TFAP2D: variants seen among roughly 807,000 people sequenced by gnomAD.
TFAP2D encodes the protein transcription factor AP-2-delta.
A neutral mutation model predicts 43.6 loss-of-function variants in TFAP2D; 9 were observed. The ratio of observed to expected loss-of-function variants is 0.21; its 90% CI spans 0.12 to 0.36. The LOEUF is 0.36. Ranked by LOEUF, TFAP2D falls within the 10% of genes least tolerant of loss-of-function variation. TFAP2D has a pLI of 1.00. For missense variants in TFAP2D, 513 were observed against 561.4 expected (o/e 0.91, Z 0.87); for synonymous variants, 256 against 224.9 (o/e 1.14, Z -1.24).
chr6:50,742,216 G>A (rs573580472), intron 5 of TFAP2D, among the ~76,000 whole-genome samples: 1 of 151,920 alleles, frequency 6.6e-6, no homozygotes, highest in Non-Finnish European at 1.5e-5. Context: ...CTACATATCA[G>A]AGTGTCTTCA....
chr6:50,727,840 C>G (rs1034930490), intron 3 of TFAP2D, among the ~76,000 whole-genome samples: 1 of 152,166 alleles, frequency 6.6e-6, no homozygotes, highest in Non-Finnish European at 1.5e-5. Flanking sequence ...GTATAGTCAC[C>G]ATGCTAGCAG....
chr6:50,760,801 C>T (rs962109619), intron 7 of TFAP2D, among the ~76,000 whole-genome samples: 1 of 151,836 alleles, frequency 6.6e-6, no homozygotes, highest in Admixed American at 6.6e-5. Context: ...AGAAGTTGTG[C>T]TGCTTTAGAG....
intron 7 of TFAP2D, among the ~76,000 whole-genome samples, chr6:50,768,491 A>G (rs1398898123): frequency 6.6e-6 from 1 of 151,702 alleles, no homozygotes; most frequent in Non-Finnish European, 1.5e-5. Context: ...GAGCCACTGA[A>G]CCCAGCCCCC....
At chr6:50,757,749 ATT>A (rs1214127833) in intron 7 of TFAP2D, among the ~76,000 whole-genome samples, 6 of 69,992 alleles carry the variant, frequency 8.6e-5, no homozygotes, top group East Asian at 4.7e-4. Context: ...AATATATATA[ATT>A]ATTCTATATA....
intron 5 of TFAP2D, among the ~76,000 whole-genome samples, chr6:50,743,301 T>C (rs1769079315): frequency 6.6e-6 from 1 of 152,206 alleles, no homozygotes; most frequent in Admixed American, 6.6e-5. Flanking sequence ...CTAGACTTTT[T>C]TGCTAAGGCC....
rs774449789 is a variant in TFAP2D, at chr6:50,715,439, GCTC to G, written c.364_366del (p.Leu122del). On this transcript the variant is annotated inframe_deletion, in exon 2 of 8. Coordinates refer to ENST00000008391, the MANE Select transcript of TFAP2D (RefSeq NM_172238.4). ...TTATTAACCTGCACAATGCGCGGGCGCTCAAGTCGTCCTGCCTGGACGAGCAGA... is the reference window on the plus strand; with the variant it reads ...TTATTAACCTGCACAATGCGCGGGCGAAGTCGTCCTGCCTGGACGAGCAGA... 6.2e-7 allele frequency: 1 copy of G among 1,614,142 alleles called. No individual in the cohort carries two copies.
At chr6:50,733,787 C>T (rs529186791) in intron 5 of TFAP2D, among the ~76,000 whole-genome samples, 1 of 152,010 alleles carries the variant, frequency 6.6e-6, no homozygotes, top group Non-Finnish European at 1.5e-5. Flanking sequence ...AGAGTATTAC[C>T]AGAAGGGAAT....
intron 5 of TFAP2D, among the ~76,000 whole-genome samples, chr6:50,741,104 A>C (rs925685513): frequency 1.3e-5 from 2 of 151,484 alleles, no homozygotes; most frequent in Non-Finnish European, 2.9e-5. Context: ...TATTTAATAT[A>C]AGTATTTAAT....
chr6:50,734,436 A>G (rs1043489038), intron 5 of TFAP2D, among the ~76,000 whole-genome samples: 1 of 152,092 alleles, frequency 6.6e-6, no homozygotes, highest in African/African-American at 2.4e-5. Flanking sequence ...GGCTTAACAT[A>G]ATAGAAGCTA....
chr6:50,746,493 C>T (rs945923809), intron 6 of TFAP2D, among the ~76,000 whole-genome samples: 5 of 152,146 alleles, frequency 3.3e-5, no homozygotes, highest in Admixed American at 6.6e-5. Context: ...ACTCCTTGGC[C>T]TCCCAAAGGG....
At chr6:50,761,228 CAAA>C (rs35485585) in intron 7 of TFAP2D, among the ~76,000 whole-genome samples, 1 of 142,854 alleles carries the variant, frequency 7.0e-6, no homozygotes, top group Non-Finnish European at 1.5e-5. Context: ...TCACACACAC[CAAA>C]AAAAAAAAGG....
chr6:50,760,856 G>A (rs1291701365), intron 7 of TFAP2D, among the ~76,000 whole-genome samples: 1 of 151,426 alleles, frequency 6.6e-6, no homozygotes, highest in Admixed American at 6.6e-5. Context: ...GTAAGGTTGG[G>A]CGGAGAAGAC....
chr6:50,720,526 CA>C (rs1768703431), intron 3 of TFAP2D, among the ~76,000 whole-genome samples: 1 of 130,156 alleles, frequency 7.7e-6, no homozygotes, highest in Non-Finnish European at 1.7e-5. Context: ...CACACACACA[CA>C]CACACACACA....
At chr6:50,751,111 T>C (rs1769194566) in intron 6 of TFAP2D, 100 bp from the exon 7 acceptor site, 1 of 805,008 alleles carries the variant, frequency 1.2e-6, no homozygotes, top group Admixed American at 2.6e-5. Flanking sequence ...TTATCTAGAC[T>C]TCTTTTAAAA....
intron 4 of TFAP2D, 33 bp downstream of exon 4, chr6:50,729,054 C>T: frequency 6.2e-7 from 1 of 1,611,284 alleles, no homozygotes; most frequent in Non-Finnish European, 8.5e-7. Context: ...CACAGAATTT[C>T]TGCTAACTGA....
intron 7 of TFAP2D, among the ~76,000 whole-genome samples, chr6:50,760,113 G>A (rs1769342117): frequency 6.6e-6 from 1 of 151,948 alleles, no homozygotes; most frequent in Non-Finnish European, 1.5e-5. Context: ...TTTGAAAGGA[G>A]GTAATACCTA....
At chr6:50,717,034 A>AT (rs1768638802) in intron 2 of TFAP2D, among the ~76,000 whole-genome samples, 2 of 152,156 alleles carry the variant, frequency 1.3e-5, no homozygotes, top group East Asian at 3.9e-4. Flanking sequence ...GCATTTTTAC[A>AT]TTTTTCACAA....
intron 5 of TFAP2D, among the ~76,000 whole-genome samples, chr6:50,744,839 A>G (rs1022422406): frequency 2.0e-5 from 3 of 152,036 alleles, no homozygotes; most frequent in Admixed American, 6.6e-5. Flanking sequence ...AGGGGAATCA[A>G]CACTTCTGGA....
intron 3 of TFAP2D, among the ~76,000 whole-genome samples, chr6:50,724,986 GAC>G: frequency 6.6e-6 from 1 of 152,142 alleles, no homozygotes; most frequent in South Asian, 2.1e-4. Context: ...GGACAGACTA[GAC>G]CCAGAGTCAT....
Sources: allele counts gnomAD v4.1 joint callset (sites outside exome capture counted in the v4.1 genomes callset), GRCh38; gene constraint gnomAD v4.1.1; transcripts MANE v1.5; gene names NCBI Gene and HGNC (gene_info 2026-07-23, HGNC 2026-07-21).